C13orf42: variants seen among roughly 807,000 people sequenced by gnomAD.
C13orf42 encodes chromosome 13 open reading frame 42, also known as uncharacterized protein C13orf42.
At chr13:51,121,376 A>G (rs1172311496) in intron 1 of C13orf42, among the ~76,000 whole-genome samples, 2 of 152,096 alleles carry the variant, frequency 1.3e-5, no homozygotes, top group African/African-American at 2.4e-5. Flanking sequence ...AAGGGTGGGG[A>G]AAGTTTCAGG....
chr13:51,124,670 T>C (rs1953562073), intron 1 of C13orf42, among the ~76,000 whole-genome samples: 1 of 152,322 alleles, frequency 6.6e-6, no homozygotes, highest in South Asian at 2.1e-4. Context: ...AGGTTCACAG[T>C]GGCATCTAGG....
intron 1 of C13orf42, among the ~76,000 whole-genome samples, chr13:51,134,922 C>T (rs1292039108): frequency 1.3e-5 from 2 of 152,186 alleles, no homozygotes; most frequent in East Asian, 3.8e-4. Context: ...CCAGCCGCAG[C>T]GGGGTAAGAT....
At chr13:51,087,424 A>G (rs189929126) in intron 2 of C13orf42, among the ~76,000 whole-genome samples, 3 of 152,324 alleles carry the variant, frequency 2.0e-5, no homozygotes, top group African/African-American at 2.4e-5. Flanking sequence ...TGAAGTGTAC[A>G]GAACATAAAA....
At chr13:51,105,406 A>G (rs1953343043) in intron 1 of C13orf42, among the ~76,000 whole-genome samples, 1 of 152,214 alleles carries the variant, frequency 6.6e-6, no homozygotes, top group East Asian at 1.9e-4. Context: ...TGCTCAATCG[A>G]TATGTGTTAA....
At chr13:51,136,010 G>A (rs918798477) in intron 1 of C13orf42, among the ~76,000 whole-genome samples, 3 of 152,170 alleles carry the variant, frequency 2.0e-5, no homozygotes, top group South Asian at 2.1e-4. Context: ...TTTGCAGGGC[G>A]TGACCTCCAC....
intron 1 of C13orf42, among the ~76,000 whole-genome samples, chr13:51,123,199 G>C (rs1439603866): frequency 6.6e-6 from 1 of 152,208 alleles, no homozygotes; most frequent in Admixed American, 6.5e-5. Context: ...GGTCGGTCAG[G>C]ATGGGCTACT....
intron 1 of C13orf42, among the ~76,000 whole-genome samples, chr13:51,152,541 G>A (rs1353186981): frequency 6.6e-6 from 1 of 152,122 alleles, no homozygotes; most frequent in African/African-American, 2.4e-5. Context: ...TAGAGATGGG[G>A]TTCTTGCTCT....
chr13:51,150,845 G>A (rs1953773037), intron 1 of C13orf42, among the ~76,000 whole-genome samples: 1 of 152,204 alleles, frequency 6.6e-6, no homozygotes, highest in East Asian at 1.9e-4. Flanking sequence ...TCTTGCCTGT[G>A]TATGGATGAC....
At chr13:51,115,324 T>C (rs1953479754), upstream of C13orf42, among the ~76,000 whole-genome samples, 1 of 152,190 alleles carries the variant, frequency 6.6e-6, no homozygotes, top group African/African-American at 2.4e-5. Flanking sequence ...AAGATGTTCA[T>C]TGGTGCCCCC....
intron 1 of C13orf42, among the ~76,000 whole-genome samples, chr13:51,141,270 T>C (rs1842530134): frequency 1.3e-5 from 2 of 151,900 alleles, no homozygotes; most frequent in Admixed American, 1.3e-4. Context: ...TGAATTCTGT[T>C]TCCACCTGAT....
chr13:51,089,392 T>A (rs1257368053), intron 1 of C13orf42, among the ~76,000 whole-genome samples: 1 of 152,122 alleles, frequency 6.6e-6, no homozygotes, highest in Non-Finnish European at 1.5e-5. Context: ...TGAATTGTAA[T>A]CCCCACATGT....
intron 1 of C13orf42, among the ~76,000 whole-genome samples, chr13:51,089,330 C>T (rs1335340281): frequency 6.6e-6 from 1 of 152,110 alleles, no homozygotes; most frequent in Non-Finnish European, 1.5e-5. Context: ...TGAAGGACCA[C>T]AATATACACC....
chr13:51,085,320 C>G lies in C13orf42; in HGVS notation c.802G>C (p.Asp268His). 1 of 398,400 alleles carries G rather than the reference C, an allele frequency of 2.5e-6. No individual in the cohort carries two copies. The allele number at this position is 398,400 out of a possible 1,614,324, so 24.7% of individuals were successfully genotyped here. The change falls in exon 3 of 4, where the codon GAC becomes CAC. Residue 268 changes from aspartate to histidine, a missense_variant and splice_region_variant. By Grantham distance (81) the Asp-to-His change is moderately conservative. Transcript: ENST00000563710. ...ATGCTATTTAGCCCAAGCACTTACT[C>G]TTTTTTGCAGGCTTTGGGCTTAAAT... ...WKFKPKACKKDLGSSRQILFN... is the reference protein window; with the variant it reads ...WKFKPKACKKHLGSSRQILFN...
chr13:51,089,901 G>T (rs567845480), intron 1 of C13orf42, among the ~76,000 whole-genome samples: 1 of 151,966 alleles, frequency 6.6e-6, no homozygotes, highest in Non-Finnish European at 1.5e-5. Context: ...CAGTTGGAAA[G>T]CAGATGGAGA....
At chr13:51,171,800 T>C (rs894982323) in intron 1 of C13orf42, among the ~76,000 whole-genome samples, 1 of 152,094 alleles carries the variant, frequency 6.6e-6, no homozygotes, top group Non-Finnish European at 1.5e-5. Context: ...AATATAAAAA[T>C]CCAGCCCAGT....
chr13:51,107,242 G>A (rs1483896928), intron 1 of C13orf42, among the ~76,000 whole-genome samples: 1 of 152,190 alleles, frequency 6.6e-6, no homozygotes, highest in Non-Finnish European at 1.5e-5. Context: ...CCTCATTCCA[G>A]AGCATGAAAG....
At chr13:51,140,502 CA>C (rs1953687947) in intron 1 of C13orf42, among the ~76,000 whole-genome samples, 1 of 152,172 alleles carries the variant, frequency 6.6e-6, no homozygotes, top group Non-Finnish European at 1.5e-5. Flanking sequence ...TGACCTTTGA[CA>C]AATCTCCTAT....
chr13:51,171,685 C>A (rs1953954244), intron 1 of C13orf42, among the ~76,000 whole-genome samples: 1 of 152,114 alleles, frequency 6.6e-6, no homozygotes, highest in Admixed American at 6.5e-5. Context: ...CCCACCTGCC[C>A]AGCAATTTAC....
rs551275686 is a variant in C13orf42, at chr13:51,120,100, T to C, written n.137-6878A>G. On this transcript the variant is annotated intron_variant and non_coding_transcript_variant, in intron 1 of 4. Transcript: ENST00000433280. ...GGTCACTCAATAATAGTTGCCATTG[T>C]TACTAATAATGTAAATGGTTTCATC... 4.6e-5 allele frequency among the ~76,000 whole-genome samples: 7 copies of C among 152,332 alleles called. No individual in the cohort carries two copies. In the South Asian group the frequency reaches 1.5e-3, roughly 32 times the overall value.
Sources: gnomAD v4.1 joint callset for allele counts (sites outside exome capture counted in the v4.1 genomes callset) on GRCh38, gnomAD v4.1.1 for gene constraint, MANE v1.5 for transcripts, NCBI Gene and HGNC (gene_info 2026-07-23, HGNC 2026-07-21) for gene names.